UGT1A6: variants seen among roughly 807,000 people sequenced by gnomAD.
UGT1A6 encodes the protein UDP-glucuronosyltransferase 1A6.
A neutral mutation model predicts 44.4 loss-of-function variants in UGT1A6; 32 were observed. The ratio of observed to expected loss-of-function variants is 0.72; its 90% CI spans 0.54 to 0.97. The LOEUF is 0.97. Among genes scored for constraint, UGT1A6 ranks in the 50% least tolerant of loss-of-function variants. The pLI, the probability that UGT1A6 is intolerant of heterozygous loss-of-function variation, is 0.00. For synonymous variants in UGT1A6, 238 were observed against 248.5 expected (o/e 0.96, Z 0.40); for missense variants, 685 against 661.9 (o/e 1.03, Z -0.38).
intron 1 of UGT1A6, chr2:233,760,375 A>T (rs1032753915): frequency 1.2e-6 from 2 of 1,614,042 alleles, no homozygotes; most frequent in Admixed American, 1.7e-5. Context: ...TGCTGGGAAG[A>T]TACTGTTGAT....
chr2:233,718,096 T>G (rs2076629301), intron 1 of UGT1A6: 1 of 328,356 alleles, frequency 3.0e-6, no homozygotes, highest in Admixed American at 3.8e-5. Context: ...CATGTGTGCT[T>G]TAGACAGCAG....
In UGT1A6 at chr2:233,692,971, C is replaced by G; in HGVS notation, c.-34C>G. On this transcript the variant is annotated 5_prime_UTR_variant, in exon 1 of 5. Coordinates refer to ENST00000305139, the MANE Select transcript of UGT1A6 (RefSeq NM_001072.4). ...CCCTGTGATTTGGAGAGTGAAAACT[C>G]TTTATTACCGTTGTTACTTTAACTC... 2 of 1,611,844 alleles carry G rather than the reference C, an allele frequency of 1.2e-6. No homozygotes were observed. Among genetic ancestry groups the G allele is most frequent in the South Asian group, 1.1e-5 (1 of 90,282 alleles).
chr2:233,706,284 C>G (rs1160416352), intron 1 of UGT1A6, among the ~76,000 whole-genome samples: 2 of 151,946 alleles, frequency 1.3e-5, no homozygotes, highest in Non-Finnish European at 1.5e-5. Flanking sequence ...AGGGGTGGGG[C>G]CCAGTGCCAG....
At chr2:233,749,249 T>C (rs1694152253) in intron 1 of UGT1A6, among the ~76,000 whole-genome samples, 1 of 151,932 alleles carries the variant, frequency 6.6e-6, no homozygotes, top group Non-Finnish European at 1.5e-5. Flanking sequence ...AACCACATGA[T>C]TTTTTTATTG....
intron 1 of UGT1A6, chr2:233,722,007 A>C: frequency 7.7e-6 from 2 of 258,328 alleles, no homozygotes; most frequent in Non-Finnish European, 1.5e-5. Context: ...TTAAGTGAAC[A>C]GGAAAACTGA....
rs2075125575 is a variant in UGT1A6 at position 233,692,994 on chromosome 2, C to T, written c.-11C>T. The T allele has an allele frequency of 6.2e-7, 1 of 1,613,956 alleles. No homozygotes were observed. Among genetic ancestry groups the T allele is most frequent in the Non-Finnish European group, 8.5e-7 (1 of 1,179,970 alleles). On this transcript the variant is annotated 5_prime_UTR_variant, in exon 1 of 5. Transcript: ENST00000305139. ...CTCTTTATTACCGTTGTTACTTTAA[C>T]TCTTTCCAGGATGGCCTGCCTCCTT...
intron 1 of UGT1A6, among the ~76,000 whole-genome samples, chr2:233,723,073 C>A (rs1176866455): frequency 2.1e-5 from 3 of 141,128 alleles, no homozygotes; most frequent in Non-Finnish European, 3.0e-5. Flanking sequence ...GGAAATATAT[C>A]ATCATTTTTG....
chr2:233,730,202 A>G (rs1380136603), intron 1 of UGT1A6, among the ~76,000 whole-genome samples: 2 of 152,160 alleles, frequency 1.3e-5, no homozygotes, highest in African/African-American at 4.8e-5. Context: ...GAGGAAGAGG[A>G]AGTAGACACG....
intron 1 of UGT1A6, among the ~76,000 whole-genome samples, chr2:233,720,305 G>A (rs1333507011): frequency 1.3e-5 from 2 of 152,288 alleles, no homozygotes; most frequent in African/African-American, 2.4e-5. Context: ...TGGGGGTCTG[G>A]TGTATGATGT....
At chr2:233,713,846 G>A in intron 1 of UGT1A6, 6 of 1,614,046 alleles carry the variant, frequency 3.7e-6, no homozygotes, top group Non-Finnish European at 5.1e-6. Context: ...CCAACGGGAA[G>A]CCACTATCTC....
chr2:233,704,977 A>G (rs1323629686), intron 1 of UGT1A6, among the ~76,000 whole-genome samples: 2 of 152,082 alleles, frequency 1.3e-5, no homozygotes, highest in Non-Finnish European at 1.5e-5. Context: ...CTCTACTTAA[A>G]ATACAGAAAT....
Position 233,693,552 on chromosome 2 carries a change from G to A in UGT1A6, c.548G>A (p.Ser183Asn). Residue 183 changes from serine (S) to asparagine (N), a missense_variant, in exon 1 of 5, where the codon AGC (serine) becomes AAC (asparagine). By Grantham distance (46) the Ser-to-Asn change is conservative. Transcript: ENST00000305139. ...CCGTGTTCCCTGGAGCATACATTCA[G>A]CAGAAGCCCAGACCCTGTGTCCTAC... is the stretch of plus-strand genomic sequence containing the variant. Reference protein sequence around the residue: ...GFPCSLEHTFSRSPDPVSYIP... With the variant: ...GFPCSLEHTFNRSPDPVSYIP... 1.9e-6 allele frequency: 3 copies of A among 1,614,184 alleles called. No homozygotes were observed. Among genetic ancestry groups the A allele is most frequent in the Non-Finnish European group, 2.5e-6 (3 of 1,180,014 alleles).
At chr2:233,746,544 A>G (rs1423478366) in intron 1 of UGT1A6, among the ~76,000 whole-genome samples, 1 of 151,624 alleles carries the variant, frequency 6.6e-6, no homozygotes, top group East Asian at 1.9e-4. Flanking sequence ...CTGCTGTGTG[A>G]CTTCTTAGCC....
intron 1 of UGT1A6, among the ~76,000 whole-genome samples, chr2:233,724,299 A>G (rs1357747984): frequency 8.9e-6 from 1 of 112,936 alleles, no homozygotes; most frequent in African/African-American, 3.5e-5. Flanking sequence ...TGACCCCCCC[A>G]CCTCCCTCCC....
intron 1 of UGT1A6, 84 bp from the exon 2 acceptor site, chr2:233,766,950 A>G: frequency 6.2e-7 from 1 of 1,601,228 alleles, no homozygotes. Context: ...TCTTAAGAGG[A>G]AGATATCTAA....
rs553351524 is a variant in UGT1A6, at chr2:233,769,411, G to A, written c.1301+972G>A. ...ATACTGTGTGCATATGTGCGTGTGC[G>A]TTTGTGCATGTGGCTGTGCTCATGT... is the stretch of plus-strand genomic sequence containing the variant. On this transcript the variant is annotated intron_variant, in intron 4 of 4. Coordinates refer to ENST00000305139, the MANE Select transcript of UGT1A6 (RefSeq NM_001072.4). This position sits in a 1 kb window ranked among gnomAD's most constrained non-coding sequence, Gnocchi z 4.4. 25 of 1,356,294 alleles carry A rather than the reference G, an allele frequency of 1.8e-5. No individual in the cohort carries two copies. The highest frequency in any genetic ancestry group is 8.6e-5 in the African/African-American group (6 of 69,942). The allele number at this position is 1,356,294 out of a possible 1,614,324, so 84.0% of individuals were successfully genotyped here. A position where few individuals can be genotyped will look rare whatever the true frequency, so the allele number is the denominator to read the frequency against.
intron 1 of UGT1A6, among the ~76,000 whole-genome samples, chr2:233,702,488 T>C (rs964835530): frequency 6.6e-6 from 1 of 152,186 alleles, no homozygotes; most frequent in Non-Finnish European, 1.5e-5. Flanking sequence ...CTTGAACCTC[T>C]AGTACCGTGT....
At chr2:233,727,532 CGT>C in intron 1 of UGT1A6, among the ~76,000 whole-genome samples, 1 of 152,260 alleles carries the variant, frequency 6.6e-6, no homozygotes, top group South Asian at 2.1e-4. Context: ...CACTACCAGG[CGT>C]GTTCCACCCG....
intron 1 of UGT1A6, among the ~76,000 whole-genome samples, chr2:233,722,436 A>T (rs984316554): frequency 6.6e-5 from 10 of 152,092 alleles, no homozygotes; most frequent in African/African-American, 2.4e-4. Flanking sequence ...GAATTATTTG[A>T]TTGGTCTTCT....
Sources: allele counts gnomAD v4.1 joint callset (sites outside exome capture counted in the v4.1 genomes callset), GRCh38; gene constraint gnomAD v4.1.1; non-coding constraint Gnocchi (gnomAD v3.1); transcripts MANE v1.5; gene names NCBI Gene and HGNC (gene_info 2026-07-23, HGNC 2026-07-21).